RCAN1: variants seen among roughly 807,000 people sequenced by gnomAD.
The protein encoded by RCAN1 is calcipressin-1.
Under a neutral mutation model 22.9 loss-of-function variants are expected in RCAN1, and 11 were observed. The ratio of observed to expected loss-of-function variants is 0.48; its 90% CI spans 0.30 to 0.79. The LOEUF (loss-of-function observed/expected upper bound fraction) is 0.79, where lower values mean the gene tolerates loss of function less well. Ranked by LOEUF, RCAN1 falls within the 30% of genes least tolerant of loss-of-function variation. RCAN1 has a pLI of 0.06. For missense variants in RCAN1, 291 were observed against 337.8 expected (o/e 0.86, Z 1.09); for synonymous variants, 136 against 142.3 (o/e 0.96, Z 0.32).
At position 34,615,100 on chromosome 21, in the gene RCAN1, G is replaced by C. The variant is rs1988786923; in HGVS notation, c.-89C>G. On this transcript the variant is annotated 5_prime_UTR_variant, in exon 1 of 4. Transcript: ENST00000313806. ...ACGCGCTCCGGTCCGCGCCCGGCCG[G>C]CGGCTCCGCCGTTAACCCCCTCGGA... The C allele has an allele frequency of 1.0e-6, 1 of 989,730 alleles. No individual in the cohort carries two copies. Among genetic ancestry groups the C allele is most frequent in the African/African-American group, 1.7e-5 (1 of 57,190 alleles). The allele number at this position is 989,730 out of a possible 1,614,324, so 61.3% of individuals were successfully genotyped here.
At chr21:34,526,541 G>C (rs1985066000) in intron 1 of RCAN1, 2 of 966,862 alleles carry the variant, frequency 2.1e-6, no homozygotes, top group African/African-American at 3.4e-5. Flanking sequence ...AAAGACTTTG[G>C]ATTTCTTTCA....
intron 1 of RCAN1, among the ~76,000 whole-genome samples, chr21:34,532,368 A>G (rs951283345): frequency 2.6e-5 from 4 of 152,204 alleles, no homozygotes; most frequent in Non-Finnish European, 4.4e-5. Flanking sequence ...TGTCACCCCA[A>G]ACCCACTCAT....
intron 1 of RCAN1, among the ~76,000 whole-genome samples, chr21:34,532,079 T>TCA (rs755614941): frequency 1.2e-4 from 18 of 151,704 alleles, no homozygotes; most frequent in Non-Finnish European, 2.1e-4. Context: ...AGTGTCAGGG[T>TCA]CAGTGGTGGA....
intron 1 of RCAN1, among the ~76,000 whole-genome samples, chr21:34,562,500 G>A (rs897391597): frequency 6.6e-6 from 1 of 152,190 alleles, no homozygotes. Flanking sequence ...GACATGGGTG[G>A]TGCCACCTCA....
intron 1 of RCAN1, among the ~76,000 whole-genome samples, chr21:34,589,137 TA>T (rs1987892012): frequency 6.6e-6 from 1 of 152,228 alleles, no homozygotes; most frequent in African/African-American, 2.4e-5. Context: ...ACTGTACATG[TA>T]AAGATGGTAA....
chr21:34,520,994 G>A (rs1984473339), intron 3 of RCAN1: 2 of 942,542 alleles, frequency 2.1e-6, no homozygotes, highest in African/African-American at 3.5e-5. Flanking sequence ...CTGGGGTAGG[G>A]CAGCCCGACC....
chr21:34,556,268 A>G (rs1986568718), intron 1 of RCAN1, among the ~76,000 whole-genome samples: 1 of 150,370 alleles, frequency 6.7e-6, no homozygotes, highest in South Asian at 2.1e-4. Context: ...TCTACAAAAA[A>G]TAGAAAAATT....
In RCAN1 at chr21:34,588,686, T is replaced by C. The variant is rs183920525; in HGVS notation, c.252+26074A>G. On this transcript the variant is annotated intron_variant, in intron 1 of 3. Coordinates refer to ENST00000313806, the MANE Select transcript of RCAN1 (RefSeq NM_004414.7). Reference sequence around the variant, plus strand: ...TCCAGCAATTCCACCTCTGTGTATGTATCTAAAAGAATTGAAAGCAGGGTC... The same window carrying C: ...TCCAGCAATTCCACCTCTGTGTATGCATCTAAAAGAATTGAAAGCAGGGTC... Among the ~76,000 whole-genome samples, 664 of 152,346 alleles carry C rather than the reference T, an allele frequency of 4.4e-3. 2 individuals carry two copies. Among genetic ancestry groups the C allele is most frequent in the Non-Finnish European group, 6.7e-3 (455 of 68,030 alleles).
Position 34,614,956 on chromosome 21 carries a change from G to T in RCAN1, c.56C>A (p.Ala19Glu). 9.0e-7 allele frequency: 1 copy of T among 1,112,662 alleles called. No homozygotes were observed. Among genetic ancestry groups the T allele is most frequent in the Non-Finnish European group, 1.1e-6 (1 of 907,372 alleles). The allele number at this position is 1,112,662 out of a possible 1,614,324, so 68.9% of individuals were successfully genotyped here. ...QLGAAAEAAE[A>E]AEARARPGVT... ...CCCGGGCCGCGCTCGCGCCTCGGCC[G>T]CCTCCGCCGCCTCCGCCGCGGCCCC... is the stretch of plus-strand genomic sequence containing the variant. Residue 19 changes from alanine to glutamate, a missense_variant, in exon 1 of 4, where the codon GCG (alanine) becomes GAG (glutamate). Physicochemically the swap from Ala to Glu is moderately radical, Grantham distance 107. Coordinates refer to ENST00000313806, the MANE Select transcript of RCAN1 (RefSeq NM_004414.7). This position sits in a 1 kb window ranked among gnomAD's most constrained non-coding sequence, Gnocchi z 6.0.
chr21:34,559,513 C>T (rs1242067662), intron 1 of RCAN1: 4 of 152,154 alleles, frequency 2.6e-5, no homozygotes, highest in African/African-American at 9.7e-5. Context: ...ATTTAAATGC[C>T]ATGCTCTGAA....
rs190642195 is a variant in RCAN1, at chr21:34,583,033, C to T, written c.252+31727G>A. Among the ~76,000 whole-genome samples the T allele has an allele frequency of 4.6e-5, 7 of 152,246 alleles. No individual in the cohort carries two copies. The East Asian group carries it at 9.7e-4, about 21-fold the overall frequency. On this transcript the variant is annotated intron_variant, in intron 1 of 3. Coordinates refer to ENST00000313806, the MANE Select transcript of RCAN1 (RefSeq NM_004414.7). ...GTTGGCTAATAAATTCCTGCAGACACTCTGAATATAACTGAGAGAGCTCAG... is the reference window on the plus strand; with the variant it reads ...GTTGGCTAATAAATTCCTGCAGACATTCTGAATATAACTGAGAGAGCTCAG...
chr21:34,585,552 G>A (rs1987760669), intron 1 of RCAN1, among the ~76,000 whole-genome samples: 1 of 151,996 alleles, frequency 6.6e-6, no homozygotes, highest in Admixed American at 6.5e-5. Flanking sequence ...GACCATCCTG[G>A]CTAACACGGT....
intron 1 of RCAN1, chr21:34,524,948 T>A: frequency 1.4e-6 from 2 of 1,397,872 alleles, no homozygotes; most frequent in Non-Finnish European, 1.9e-6. Context: ...AGTCGCCGGG[T>A]TTTGTGAATC....
At chr21:34,537,826 TTGTGTGTG>T (rs3831800) in intron 1 of RCAN1, among the ~76,000 whole-genome samples, 2 of 150,706 alleles carry the variant, frequency 1.3e-5, no homozygotes, top group South Asian at 4.2e-4. Flanking sequence ...CACATGGTAA[TTGTGTGTG>T]TGTGTGTGTG....
In RCAN1 at chr21:34,612,350, A is replaced by G. The variant is rs775500752; in HGVS notation, c.252+2410T>C. Among the ~76,000 whole-genome samples the G allele has an allele frequency of 1.2e-3, 185 of 152,262 alleles. 2 individuals are homozygous for G. Among genetic ancestry groups the G allele is most frequent in the Non-Finnish European group, 3.2e-4 (22 of 68,010 alleles). On this transcript the variant is annotated intron_variant, in intron 1 of 3. Transcript: ENST00000313806. ...AACCCTTCAAGTCCTTTAAAAATGG[A>G]GTTCACCCTGCACTGGAGCTTCTGC...
intron 1 of RCAN1, chr21:34,525,063 A>C (rs940224745): frequency 1.1e-4 from 168 of 1,550,232 alleles, no homozygotes; most frequent in Middle Eastern, 6.7e-4. Context: ...GATGGTAGGC[A>C]GCGCGGACAG....
rs1161591610 is a variant in RCAN1 at position 34,518,336 on chromosome 21, C to T, written c.587-80G>A. ...GGCAAACATAAAAGAGCATTCAGGG[C>T]TCTGCTGGGCCAGCTGCTCGTGACC... On this transcript the variant is annotated intron_variant, in intron 3 of 3. Transcript: ENST00000313806. This position sits in a 1 kb window ranked among gnomAD's most constrained non-coding sequence, Gnocchi z 4.2. The T allele has an allele frequency of 1.4e-6, 2 of 1,455,530 alleles. No individual in the cohort carries two copies. Among genetic ancestry groups the T allele is most frequent in the African/African-American group, 2.8e-5 (2 of 71,530 alleles). 90.2% of individuals were successfully genotyped at this position (1,455,530 alleles called of 1,614,324 possible).
chr21:34,603,484 C>T (rs1264894089), intron 1 of RCAN1, among the ~76,000 whole-genome samples: 1 of 152,000 alleles, frequency 6.6e-6, no homozygotes, highest in Non-Finnish European at 1.5e-5. Context: ...CAGCAGGCTG[C>T]AAGAAAAAAA....
chr21:34,557,962 G>A (rs1375135243), intron 1 of RCAN1, among the ~76,000 whole-genome samples: 1 of 152,136 alleles, frequency 6.6e-6, no homozygotes, highest in Non-Finnish European at 1.5e-5. Context: ...TTGGATGTCC[G>A]ACCTGGAATC....
Sources: allele counts gnomAD v4.1 joint callset (sites outside exome capture counted in the v4.1 genomes callset), GRCh38; gene constraint gnomAD v4.1.1; non-coding constraint Gnocchi (gnomAD v3.1); transcripts MANE v1.5; gene names NCBI Gene and HGNC (gene_info 2026-07-23, HGNC 2026-07-21).